RELN: variants seen among roughly 807,000 people sequenced by gnomAD.
RELN encodes the protein reelin.
Under a neutral mutation model 427.6 loss-of-function variants are expected in RELN, and 108 were observed. That is an observed-to-expected ratio of 0.25 (90% CI 0.22 to 0.30). RELN has a LOEUF of 0.30. Ranked by LOEUF, RELN falls within the 10% of genes least tolerant of loss-of-function variation. RELN has a pLI of 1.00. For synonymous variants in RELN, 1,524 were observed against 1,513.4 expected (o/e 1.01, Z -0.16); for missense variants, 3,715 against 4,302.8 (o/e 0.86, Z 3.82).
chr7:103,668,724 C>T (rs1161202893), intron 11 of RELN, among the ~76,000 whole-genome samples: 4 of 152,264 alleles, frequency 2.6e-5, no homozygotes, highest in Admixed American at 6.5e-5. Context: ...TTGCATCATT[C>T]GCAAATTAAC....
At chr7:103,941,532 T>C (rs1796114432) in intron 1 of RELN, among the ~76,000 whole-genome samples, 1 of 152,180 alleles carries the variant, frequency 6.6e-6, no homozygotes, top group African/African-American at 2.4e-5. Flanking sequence ...CAAATGAAAA[T>C]TATTTTTCAT....
intron 64 of RELN, among the ~76,000 whole-genome samples, chr7:103,473,196 T>A (rs1246964104): frequency 2.0e-5 from 3 of 152,206 alleles, no homozygotes; most frequent in Non-Finnish European, 4.4e-5. Context: ...GCAAACTGTT[T>A]TAAATTTTAA....
chr7:103,574,713 T>C (rs748788292), intron 29 of RELN, among the ~76,000 whole-genome samples: 4 of 152,190 alleles, frequency 2.6e-5, no homozygotes, highest in Admixed American at 1.3e-4. Context: ...GCACTCTCCA[T>C]AGAAGGCCTG....
intron 1 of RELN, among the ~76,000 whole-genome samples, chr7:103,934,511 T>C (rs1404451528): frequency 6.6e-6 from 1 of 152,202 alleles, no homozygotes; most frequent in African/African-American, 2.4e-5. Flanking sequence ...CTTCCAAAGA[T>C]AGTCCAGCTT....
intron 20 of RELN, among the ~76,000 whole-genome samples, chr7:103,618,711 T>C (rs1832141630): frequency 6.6e-6 from 1 of 152,216 alleles, no homozygotes; most frequent in Non-Finnish European, 1.5e-5. Context: ...TTCTCTCAGT[T>C]TGGAAATTTA....
intron 2 of RELN, among the ~76,000 whole-genome samples, chr7:103,909,700 TAATATATATAA>T (rs1795302456): frequency 3.5e-5 from 2 of 57,446 alleles, no homozygotes; most frequent in Non-Finnish European, 5.4e-5. Flanking sequence ...TATATATATT[TAATATATATAA>T]ATATATATTA....
chr7:103,544,218 ATCTTT>A (rs1830236389), intron 42 of RELN, among the ~76,000 whole-genome samples: 1 of 122,948 alleles, frequency 8.1e-6, no homozygotes, highest in African/African-American at 3.1e-5. Context: ...AAGAAAGAAA[ATCTTT>A]TTTTTTTTTT....
chr7:103,862,397 T>C (rs555303702), intron 2 of RELN, among the ~76,000 whole-genome samples: 3 of 141,392 alleles, frequency 2.1e-5, no homozygotes, highest in South Asian at 5.4e-4. Flanking sequence ...GTCTCTTCCA[T>C]TTATGCTTTT....
At chr7:103,496,905 T>C (rs1828858692) in intron 55 of RELN, 137 bp from the exon 56 acceptor site, 1 of 876,208 alleles carries the variant, frequency 1.1e-6, no homozygotes, top group Non-Finnish European at 1.8e-6. Context: ...TTCCTGACTT[T>C]GATATTAGGT....
rs1242628201 is a variant in RELN, at chr7:103,519,396, C to G, written c.7789G>C (p.Glu2597Gln). 2.5e-6 allele frequency: 4 copies of G among 1,614,010 alleles called. No individual in the cohort carries two copies. The highest frequency in any genetic ancestry group is 3.4e-6 in the Non-Finnish European group (4 of 1,179,926). ...GTAATGCCTCCATTGACAGAATATT[C>G]CAAGAGAACACCTTGGTTACGGTTG... is the stretch of plus-strand genomic sequence containing the variant. The part of the protein sequence containing the change: ...PNNRNQGVLL[E>Q]YSVNGGITWN... Residue 2597 changes from glutamate (E) to glutamine (Q), a missense_variant, in exon 49 of 65, where the codon GAA (glutamate) becomes CAA (glutamine). Physicochemically the swap from Glu to Gln is conservative, Grantham distance 29 (BLOSUM62 2). Transcript: ENST00000428762.
chr7:103,821,708 A>G (rs556253138), intron 3 of RELN, among the ~76,000 whole-genome samples: 17 of 152,266 alleles, frequency 1.1e-4, no homozygotes, highest in African/African-American at 4.1e-4. Flanking sequence ...CCACACTTTC[A>G]ATATATTTAC....
intron 64 of RELN, among the ~76,000 whole-genome samples, chr7:103,475,832 A>T (rs1037707234): frequency 1.3e-5 from 2 of 152,246 alleles, no homozygotes; most frequent in East Asian, 3.9e-4. Flanking sequence ...TCCAAGGTAG[A>T]AGCTTAAAAC....
intron 16 of RELN, among the ~76,000 whole-genome samples, chr7:103,645,149 A>T (rs1057082817): frequency 6.6e-6 from 1 of 151,820 alleles, no homozygotes; most frequent in Non-Finnish European, 1.5e-5. Flanking sequence ...GAAATTAAAG[A>T]TCAATACTCA....
intron 1 of RELN, among the ~76,000 whole-genome samples, chr7:103,935,782 A>G (rs1795967824): frequency 6.6e-6 from 1 of 152,150 alleles, no homozygotes; most frequent in Non-Finnish European, 1.5e-5. Flanking sequence ...ACTGTTCTGG[A>G]GTTCAGAGAC....
At chr7:103,511,778 G>C (rs902392312) in intron 50 of RELN, among the ~76,000 whole-genome samples, 1 of 152,008 alleles carries the variant, frequency 6.6e-6, no homozygotes, top group African/African-American at 2.4e-5. Context: ...CAGGAGTTCA[G>C]GGCTGCAGTG....
At chr7:103,978,088 A>G (rs1021890700) in intron 1 of RELN, among the ~76,000 whole-genome samples, 2 of 152,226 alleles carry the variant, frequency 1.3e-5, no homozygotes, top group Admixed American at 6.5e-5. Flanking sequence ...AGAAATGAAC[A>G]TCTTTTTATT....
rs116560187 is a variant in RELN at position 103,632,310 on chromosome 7, T to G, written c.2466-2134A>C. Among the ~76,000 whole-genome samples the G allele has an allele frequency of 5.6e-3, 849 of 152,350 alleles. 12 individuals carry two copies. The highest frequency in any genetic ancestry group is 0.02 in the African/African-American group (820 of 41,580). On this transcript the variant is annotated intron_variant, in intron 19 of 64. Coordinates refer to ENST00000428762, the MANE Select transcript of RELN (RefSeq NM_005045.4). ...ATGGCAAGGGCCAGAAATTTTTTTG[T>G]CTGCTTTTCACTATTATACCTTAGT...
rs368438329 is a variant in RELN, at chr7:103,551,262, G to A, written c.6107C>T (p.Ala2036Val). 7 of 1,613,802 alleles carry A rather than the reference G, an allele frequency of 4.3e-6. No homozygotes were observed. Among genetic ancestry groups the A allele is most frequent in the Admixed American group, 3.3e-5 (2 of 60,006 alleles). Residue 2036 changes from alanine to valine, a missense_variant, in exon 41 of 65, where the codon GCG becomes GTG. Coordinates refer to ENST00000428762, the MANE Select transcript of RELN (RefSeq NM_005045.4). ...TGAAAATTCCAGTCTCACTGGATCC[G>A]CGGATGAGCTATCAGTCGAACAGCC... ...NVGCSTDSSSADPVRLEFSRD... is the reference protein window; with the variant it reads ...NVGCSTDSSSVDPVRLEFSRD...
chr7:103,629,942 A>C lies in RELN; in HGVS notation c.2700T>G (p.Leu900=), dbSNP rs1832414830. 19 of 1,572,216 alleles carry C rather than the reference A, an allele frequency of 1.2e-5. No homozygotes were observed. The highest frequency in any genetic ancestry group is 1.2e-5 in the Non-Finnish European group (14 of 1,142,008). ...VQPYCGHDWT[L]CFTGDSKLAS... is the part of the protein sequence containing the mutation. ...AATAACAATGATGAAATCCTTACCAAAGGGTCCAGTCGTGGCCACAGTATG... is the reference window on the plus strand; with the variant it reads ...AATAACAATGATGAAATCCTTACCACAGGGTCCAGTCGTGGCCACAGTATG... The change falls in exon 20 of 65, where the codon CTT becomes CTG. Residue 900 remains leucine (L), a splice_region_variant and synonymous_variant. Transcript: ENST00000428762.
Sources: gnomAD v4.1 joint callset for allele counts (sites outside exome capture counted in the v4.1 genomes callset) on GRCh38, gnomAD v4.1.1 for gene constraint, MANE v1.5 for transcripts, NCBI Gene and HGNC (gene_info 2026-07-23, HGNC 2026-07-21) for gene names.